The following DNAH12 variants were observed in gnomAD, a reference collection of about 807,000 sequenced individuals.
DNAH12 encodes the protein dynein axonemal heavy chain 12.
DNAH12 carries 285 observed loss-of-function variants against 371.5 expected under a neutral mutation model. The observed-to-expected ratio is 0.77, with a 90% CI of 0.70 to 0.85. DNAH12 has a LOEUF of 0.85. DNAH12 is among the 40% of genes least tolerant of loss of function. The pLI, the probability that DNAH12 is intolerant of heterozygous loss-of-function variation, is 0.00. For missense variants in DNAH12, 3,611 were observed against 3,689.4 expected (o/e 0.98, Z 0.55); for synonymous variants, 1,200 against 1,213.0 (o/e 0.99, Z 0.22).
intron 73 of DNAH12, among the ~76,000 whole-genome samples, 152 bp downstream of exon 73, chr3:57,295,367 GATAATA>G (rs964314359): frequency 1.3e-5 from 2 of 152,100 alleles, no homozygotes; most frequent in Admixed American, 1.3e-4. Flanking sequence ...CACACAAAGA[GATAATA>G]ATAATTTCTA....
At chr3:57,304,040 C>T (rs1223389515) in intron 69 of DNAH12, among the ~76,000 whole-genome samples, 1 of 151,006 alleles carries the variant, frequency 6.6e-6, no homozygotes, top group East Asian at 1.9e-4. Context: ...AAATCTCCCC[C>T]ACTGAGCACC....
intron 11 of DNAH12, among the ~76,000 whole-genome samples, chr3:57,497,718 G>A (rs61551776): frequency 0.19 from 29,589 of 152,026 alleles, 3,204 homozygotes; most frequent in African/African-American, 0.26. Context: ...TGATCATGCA[G>A]TAGGAAAGAT....
intron 25 of DNAH12, among the ~76,000 whole-genome samples, chr3:57,450,042 G>A (rs539926464): frequency 6.6e-6 from 1 of 152,346 alleles, no homozygotes; most frequent in Admixed American, 6.5e-5. Context: ...GAGGTCAGGA[G>A]TTCAAGACCA....
chr3:57,441,704 AT>A (rs2065311008), intron 29 of DNAH12, among the ~76,000 whole-genome samples: 1 of 152,034 alleles, frequency 6.6e-6, no homozygotes, highest in South Asian at 2.1e-4. Context: ...AGATGGGAGG[AT>A]TGCTTGAGCC....
chr3:57,330,502 G>T (rs2062068213), intron 62 of DNAH12, among the ~76,000 whole-genome samples: 1 of 144,576 alleles, frequency 6.9e-6, no homozygotes, highest in Non-Finnish European at 1.5e-5. Flanking sequence ...TCATAGGTGG[G>T]AATCGAACAG....
At position 57,352,039 on chromosome 3, in the gene DNAH12, G is replaced by T. The variant is rs1036846427; in HGVS notation, c.9674+46C>A. The T allele has an allele frequency of 1.8e-5, 27 of 1,464,898 alleles. No individual in the cohort carries two copies. In the African/African-American group the frequency reaches 3.6e-4, roughly 20 times the overall value. The allele number at this position is 1,464,898 out of a possible 1,614,324, so 90.7% of individuals were successfully genotyped here. ...CATATTCACAGATTTGATTTTCCAG[G>T]GAGGTTTTAAAAATAAATAAATTAT... On this transcript the variant is annotated intron_variant, in intron 60 of 73. Transcript: ENST00000495027.
chr3:57,324,185 C>G (rs926866388), intron 62 of DNAH12, among the ~76,000 whole-genome samples: 4 of 152,192 alleles, frequency 2.6e-5, no homozygotes, highest in African/African-American at 9.6e-5. Context: ...ATCTCAGGAG[C>G]AAGAGCTTCC....
chr3:57,465,101 C>T (rs74606489), intron 17 of DNAH12, among the ~76,000 whole-genome samples: 1,642 of 152,238 alleles, frequency 0.011, 25 homozygotes, highest in African/African-American at 0.037. Context: ...TTCTCTCTAA[C>T]GCGAGATTGG....
At chr3:57,468,252 C>T (rs1215549291) in intron 17 of DNAH12, among the ~76,000 whole-genome samples, 2 of 152,130 alleles carry the variant, frequency 1.3e-5, no homozygotes, top group Non-Finnish European at 2.9e-5. Flanking sequence ...GTGTCTTATT[C>T]TTGAGCCTAG....
intron 47 of DNAH12, among the ~76,000 whole-genome samples, chr3:57,386,176 T>A (rs1037783784): frequency 3.3e-5 from 5 of 152,242 alleles, no homozygotes; most frequent in Non-Finnish European, 7.4e-5. Flanking sequence ...AAAAATTAAT[T>A]AAAAATAAAA....
intron 11 of DNAH12, among the ~76,000 whole-genome samples, chr3:57,499,647 A>ATATATATATATATATATATATAT (rs1553711615): frequency 5.6e-5 from 1 of 17,946 alleles, no homozygotes; most frequent in Non-Finnish European, 1.2e-4. Context: ...AAAAAAAAAA[A>ATATATATATATATATATATATAT]ATATATATAT....
intron 55 of DNAH12, among the ~76,000 whole-genome samples, chr3:57,371,504 T>C (rs943958491): frequency 2.6e-5 from 4 of 152,066 alleles, no homozygotes; most frequent in Admixed American, 2.6e-4. Flanking sequence ...ATGAATTATA[T>C]ATCAATACAG....
chr3:57,338,784 C>A (rs550372424), intron 60 of DNAH12, among the ~76,000 whole-genome samples: 12 of 151,646 alleles, frequency 7.9e-5, no homozygotes, highest in South Asian at 4.2e-4. Context: ...CCAGCCACCC[C>A]GTCTGGGAAG....
chr3:57,327,410 C>A (rs1332809124), intron 62 of DNAH12, among the ~76,000 whole-genome samples: 2 of 152,096 alleles, frequency 1.3e-5, no homozygotes, highest in African/African-American at 4.8e-5. Flanking sequence ...GAAACTCACT[C>A]AAAACCGCTC....
chr3:57,523,332 G>A lies in DNAH12; in HGVS notation c.279+251C>T, dbSNP rs749175557. Among the ~76,000 whole-genome samples, 80 of 152,108 alleles carry A rather than the reference G, an allele frequency of 5.3e-4. 1 individual carries two copies. The highest frequency in any genetic ancestry group is 8.2e-4 in the Non-Finnish European group (56 of 68,018). ...CTGAGTGGTGGGGCTGCAGTGACCC[G>A]AGATCGCACCACTGCCCTCCAGCCT... On this transcript the variant is annotated intron_variant, in intron 4 of 73. Transcript: ENST00000495027.
chr3:57,422,783 G>A (rs9859746), intron 35 of DNAH12, among the ~76,000 whole-genome samples: 12,535 of 152,212 alleles, frequency 0.082, 1,747 homozygotes, highest in African/African-American at 0.28. Context: ...AGCACTATTT[G>A]TAATAGCAAA....
Position 57,415,519 on chromosome 3 carries a change from A to G in DNAH12, c.5760T>C (p.Tyr1920=), listed in dbSNP as rs988485409. The G allele has an allele frequency of 1.9e-6, 3 of 1,550,738 alleles. No individual in the cohort carries two copies. Among genetic ancestry groups the G allele is most frequent in the Admixed American group, 3.9e-5 (2 of 50,672 alleles). Residue 1920 remains tyrosine (Y), a synonymous_variant, in exon 38 of 74, where the codon TAT becomes TAC. Transcript: ENST00000495027. ...AGTGATTCATTAGCTTATCCTTCAC[A>G]TACACAGATTTTCCTGTACCCGTTG... ...VGPTGTGKSV[Y]VKDKLMNHLE...
At chr3:57,439,875 G>C (rs1575602280) in intron 29 of DNAH12, among the ~76,000 whole-genome samples, 2 of 152,020 alleles carry the variant, frequency 1.3e-5, no homozygotes, top group East Asian at 3.9e-4. Flanking sequence ...CAAAGGATAC[G>C]AACAGATGCT....
At chr3:57,499,303 T>G (rs2067430262) in intron 11 of DNAH12, among the ~76,000 whole-genome samples, 1 of 152,060 alleles carries the variant, frequency 6.6e-6, no homozygotes, top group East Asian at 1.9e-4. Context: ...GTTACGTAAG[T>G]GTACACATTT....
Sources: gnomAD v4.1 joint callset for allele counts (sites outside exome capture counted in the v4.1 genomes callset) on GRCh38, gnomAD v4.1.1 for gene constraint, MANE v1.5 for transcripts, NCBI Gene and HGNC (gene_info 2026-07-23, HGNC 2026-07-21) for gene names.